NGLY1: variants seen among roughly 807,000 people sequenced by gnomAD.
NGLY1 encodes the protein peptide-N(4)-(N-acetyl-beta-glucosaminyl)asparagine amidase.
In NGLY1, 68 loss-of-function variants were observed where a neutral mutation model predicts 84.6. The observed-to-expected ratio is 0.80, with a 90% CI of 0.66 to 0.98. The LOEUF (loss-of-function observed/expected upper bound fraction) is 0.98. Ranked by LOEUF, NGLY1 falls within the 50% of genes least tolerant of loss-of-function variation. The probability of loss-of-function intolerance (pLI) is 0.00; values close to 1 mark genes in which losing one functional copy is unlikely to be tolerated. For synonymous variants in NGLY1, 280 were observed against 275.2 expected (o/e 1.02, Z -0.17); for missense variants, 779 against 770.2 (o/e 1.01, Z -0.14).
chr3:25,754,506 G>A (rs1025026052), intron 3 of NGLY1, among the ~76,000 whole-genome samples: 1 of 152,144 alleles, frequency 6.6e-6, no homozygotes, highest in African/African-American at 2.4e-5. Context: ...AGCCATTAAA[G>A]AGACTTAAGC....
At chr3:25,780,105 A>G (rs1365066741) in intron 1 of NGLY1, among the ~76,000 whole-genome samples, 1 of 152,230 alleles carries the variant, frequency 6.6e-6, no homozygotes, top group African/African-American at 2.4e-5. Context: ...AAACAAAAAC[A>G]TTGTTCTTTA....
intron 1 of NGLY1, chr3:25,789,857 C>T: frequency 1.3e-6 from 2 of 1,551,742 alleles, no homozygotes; most frequent in Non-Finnish European, 1.7e-6. Context: ...GGTGAAAATG[C>T]TACCTCATCG....
intron 8 of NGLY1, 62 bp downstream of exon 8, chr3:25,733,810 G>A (rs534888867): frequency 1.6e-5 from 17 of 1,045,790 alleles, no homozygotes; most frequent in Middle Eastern, 2.1e-4. Context: ...GCTAATAAAC[G>A]GCTATTCTCG....
chr3:25,747,834 A>T (rs1706516854), intron 4 of NGLY1, among the ~76,000 whole-genome samples: 1 of 152,154 alleles, frequency 6.6e-6, no homozygotes. Context: ...TTTAAATAGC[A>T]ATTTTGACAA....
intron 2 of NGLY1, among the ~76,000 whole-genome samples, chr3:25,771,992 C>T (rs1707918318): frequency 6.6e-6 from 1 of 152,094 alleles, no homozygotes; most frequent in South Asian, 2.1e-4. Context: ...ACAGTCTATT[C>T]CTCTTTACCA....
rs1575608278 is a variant in NGLY1 at position 25,724,854 on chromosome 3, G to GA, written c.1611+4278_1611+4279insT. ...CTTCTGCAAGGCCTTCTCTGACTCAGTGTGATATTATGATATGTGTATATA... is the reference window on the plus strand; with the variant it reads ...CTTCTGCAAGGCCTTCTCTGACTCAGATGTGATATTATGATATGTGTATATA... On this transcript the variant is annotated intron_variant, in intron 10 of 11. Transcript: ENST00000280700. 2.0e-5 allele frequency among the ~76,000 whole-genome samples: 3 copies of GA among 152,266 alleles called. No individual in the cohort carries two copies. In the East Asian group the frequency reaches 5.8e-4, roughly 29 times the overall value.
At chr3:25,741,486 T>C (rs1252159680) in intron 4 of NGLY1, among the ~76,000 whole-genome samples, 8 of 152,080 alleles carry the variant, frequency 5.3e-5, no homozygotes, top group Admixed American at 5.2e-4. Context: ...AAACTTTCTC[T>C]GGAATAATAT....
At chr3:25,741,444 C>T (rs1706136962) in intron 4 of NGLY1, among the ~76,000 whole-genome samples, 1 of 151,822 alleles carries the variant, frequency 6.6e-6, no homozygotes, top group African/African-American at 2.4e-5. Flanking sequence ...AAATAGCTAT[C>T]TATCAGATCC....
intron 4 of NGLY1, 128 bp from the exon 5 acceptor site, chr3:25,739,927 T>C: frequency 4.3e-6 from 3 of 701,310 alleles, no homozygotes; most frequent in East Asian, 5.4e-5. Flanking sequence ...TTTTCACTAA[T>C]AAGAGGCAAG....
chr3:25,782,977 G>A, intron 1 of NGLY1: 1 of 379,686 alleles, frequency 2.6e-6, no homozygotes, highest in Non-Finnish European at 4.8e-6. Flanking sequence ...CCTCCGCCCG[G>A]CCCCGCTTCC....
chr3:25,765,743 A>AT (rs1198229272), intron 2 of NGLY1, among the ~76,000 whole-genome samples: 5 of 151,978 alleles, frequency 3.3e-5, no homozygotes, highest in East Asian at 3.9e-4. Flanking sequence ...TGTGCTAGGC[A>AT]TTTTTTTCTC....
intron 3 of NGLY1, among the ~76,000 whole-genome samples, chr3:25,763,307 T>G (rs1047169173): frequency 6.6e-6 from 1 of 152,138 alleles, no homozygotes; most frequent in Non-Finnish European, 1.5e-5. Context: ...ACTATAATAC[T>G]GCAATTAAAA....
chr3:25,732,010 A>G (rs924003195), intron 9 of NGLY1, among the ~76,000 whole-genome samples: 2 of 152,084 alleles, frequency 1.3e-5, no homozygotes, highest in African/African-American at 4.8e-5. Context: ...ATTTGTAAAC[A>G]TTCATTAAGC....
chr3:25,727,243 C>T (rs573195910), intron 10 of NGLY1, among the ~76,000 whole-genome samples: 30 of 152,084 alleles, frequency 2.0e-4, no homozygotes, highest in Admixed American at 2.6e-4. Flanking sequence ...GAAAGAAATT[C>T]ACTCAACTTA....
At chr3:25,766,115 G>A (rs1347823682) in intron 2 of NGLY1, among the ~76,000 whole-genome samples, 1 of 151,778 alleles carries the variant, frequency 6.6e-6, no homozygotes. Context: ...GCCCAGTCTG[G>A]AGTGCAGTGG....
intron 5 of NGLY1, 28 bp from the exon 6 acceptor site, chr3:25,737,483 T>C (rs1195846360): frequency 1.3e-6 from 2 of 1,521,246 alleles, no homozygotes; most frequent in Non-Finnish European, 1.8e-6. Context: ...AAAACCTTAA[T>C]TATCAAAATC....
rs563669385 is a variant in NGLY1 at position 25,734,143 on chromosome 3, T to C, written c.1150-161A>G. The C allele has an allele frequency of 3.7e-4, 321 of 876,238 alleles. 3 individuals are homozygous for C. The South Asian group carries it at 5.6e-3, about 15-fold the overall frequency. 54.3% of individuals were successfully genotyped at this position (876,238 alleles called of 1,614,324 possible). On this transcript the variant is annotated intron_variant, in intron 7 of 11. Coordinates refer to ENST00000280700, the MANE Select transcript of NGLY1 (RefSeq NM_018297.4). ...GTGCAGTGGCGTGATCTCAGCTCAC[T>C]GCAGTCTCACTTCCCAGGGTCAAGA...
intron 8 of NGLY1, among the ~76,000 whole-genome samples, chr3:25,733,511 G>A (rs1575615926): frequency 7.6e-6 from 1 of 131,736 alleles, no homozygotes; most frequent in South Asian, 2.5e-4. Context: ...GTGTGTGTGT[G>A]TGTGTATGTA....
intron 4 of NGLY1, chr3:25,749,510 T>C: frequency 6.3e-7 from 1 of 1,579,428 alleles, no homozygotes. Context: ...AGACCCCTTG[T>C]GAAGCCCAAG....
Sources: gnomAD v4.1 joint callset for allele counts (sites outside exome capture counted in the v4.1 genomes callset) on GRCh38, gnomAD v4.1.1 for gene constraint, MANE v1.5 for transcripts, NCBI Gene and HGNC (gene_info 2026-07-23, HGNC 2026-07-21) for gene names.